Variants in TIA1 observed in about 807,000 individuals in gnomAD.
TIA1 encodes TIA1 cytotoxic granule associated RNA binding protein.
Under a neutral mutation model 65.9 loss-of-function variants are expected in TIA1, and 23 were observed. That is an observed-to-expected ratio of 0.35 (90% CI 0.25 to 0.49). TIA1 has a LOEUF of 0.49. TIA1 is among the 20% of genes least tolerant of loss of function. TIA1 has a pLI of 0.98. For synonymous variants in TIA1, 147 were observed against 149.4 expected (o/e 0.98, Z 0.12); for missense variants, 371 against 477.9 (o/e 0.78, Z 2.09).
At chr2:70,235,368 T>C (rs1183990101) in intron 2 of TIA1, among the ~76,000 whole-genome samples, 2 of 152,094 alleles carry the variant, frequency 1.3e-5, no homozygotes, top group Non-Finnish European at 2.9e-5. Context: ...CGAGCCGAGA[T>C]CGCACCATTG....
At chr2:70,245,630 A>G (rs1270604351) in intron 1 of TIA1, among the ~76,000 whole-genome samples, 1 of 152,208 alleles carries the variant, frequency 6.6e-6, no homozygotes, top group Non-Finnish European at 1.5e-5. Flanking sequence ...CCATATGCTC[A>G]CTACAAATGT....
chr2:70,240,633 C>T (rs770104026), intron 1 of TIA1, among the ~76,000 whole-genome samples: 27 of 152,180 alleles, frequency 1.8e-4, no homozygotes, highest in Non-Finnish European at 3.2e-4. Flanking sequence ...CTTTGGGAGG[C>T]CGAGGTAGGC....
rs1174827635 is a variant in TIA1, at chr2:70,235,755, CAT to C, written c.123+322_123+323del. Among the ~76,000 whole-genome samples the C allele has an allele frequency of 3.3e-5, 5 of 152,262 alleles. No individual in the cohort carries two copies. The East Asian group carries it at 9.6e-4, about 29-fold the overall frequency. On this transcript the variant is annotated intron_variant, in intron 2 of 12. Transcript: ENST00000433529. ...TTTATTAGCCAACCAGTTGACACCA[CAT>C]ATAAACATTTCTGATGCCTCAATGC...
chr2:70,232,018 C>A (rs1015350652), intron 2 of TIA1, among the ~76,000 whole-genome samples: 1 of 151,392 alleles, frequency 6.6e-6, no homozygotes, highest in Non-Finnish European at 1.5e-5. Flanking sequence ...CTGGCTAGCA[C>A]GGTGAAACCC....
At chr2:70,215,539 ATAT>A in intron 10 of TIA1, 45 bp from the exon 11 acceptor site, 1 of 1,518,936 alleles carries the variant, frequency 6.6e-7, no homozygotes. Flanking sequence ...ATTCTTTTAA[ATAT>A]TTATGAATAA....
chr2:70,236,201 C>CT, intron 1 of TIA1, 26 bp from the exon 2 acceptor site: 1 of 1,469,596 alleles, frequency 6.8e-7, no homozygotes, highest in African/African-American at 1.4e-5. Context: ...AAACAATTTA[C>CT]CTTTTTTTTT....
At chr2:70,227,868 A>G in intron 5 of TIA1, 46 bp from the exon 6 acceptor site, 1 of 1,331,288 alleles carries the variant, frequency 7.5e-7, no homozygotes, top group Non-Finnish European at 1.1e-6. Flanking sequence ...ATAGAACTTT[A>G]GAATTTAAAA....
intron 5 of TIA1, chr2:70,228,690 C>T: frequency 6.1e-6 from 6 of 985,370 alleles, no homozygotes; most frequent in Non-Finnish European, 7.2e-6. Flanking sequence ...ATTTGACAGG[C>T]CTTAAACAAC....
At chr2:70,242,659 C>G (rs548290015) in intron 1 of TIA1, among the ~76,000 whole-genome samples, 1 of 152,040 alleles carries the variant, frequency 6.6e-6, no homozygotes, top group African/African-American at 2.4e-5. Flanking sequence ...CCCAACTCCC[C>G]CCTAGGCCAT....
chr2:70,214,551 T>C (rs906882746), intron 11 of TIA1, 57 bp from the exon 12 acceptor site: 8 of 1,363,868 alleles, frequency 5.9e-6, no homozygotes, highest in Admixed American at 5.4e-5. Flanking sequence ...AATCCTAATA[T>C]GCTGATACCA....
chr2:70,223,693 T>C (rs1682544616), intron 7 of TIA1, among the ~76,000 whole-genome samples: 1 of 150,900 alleles, frequency 6.6e-6, no homozygotes, highest in South Asian at 2.1e-4. Context: ...GGATTACAGG[T>C]GTGAGCCACT....
At position 70,211,146 on chromosome 2, in the gene TIA1, G is replaced by T. The variant is rs767953230; in HGVS notation, c.*1573C>A. ...TCAACCATTCAAATATGTATACTGG[G>T]ACCTTTCCTCTTGAGTAAAGGAAGA... On this transcript the variant is annotated 3_prime_UTR_variant, in exon 13 of 13. Transcript: ENST00000433529. The T allele has an allele frequency of 6.6e-6, 1 of 152,050 alleles. No homozygotes were observed. Among genetic ancestry groups the T allele is most frequent in the Non-Finnish European group, 1.5e-5 (1 of 68,026 alleles). The allele number at this position is 152,050 out of a possible 1,614,324, so 9.4% of individuals were successfully genotyped here.
At chr2:70,243,410 G>A (rs1692777948) in intron 1 of TIA1, among the ~76,000 whole-genome samples, 1 of 152,094 alleles carries the variant, frequency 6.6e-6, no homozygotes, top group Admixed American at 6.6e-5. Context: ...CTGGACAACA[G>A]GATGAGACCC....
Position 70,209,568 on chromosome 2 carries a change from T to C in TIA1, c.*3151A>G, listed in dbSNP as rs1158932356. 1 of 398,164 alleles carries C rather than the reference T, an allele frequency of 2.5e-6. No homozygotes were observed. Among genetic ancestry groups the C allele is most frequent in the East Asian group, 3.6e-5 (1 of 27,992 alleles). 24.7% of individuals were successfully genotyped at this position (398,164 alleles called of 1,614,324 possible). On this transcript the variant is annotated 3_prime_UTR_variant, in exon 13 of 13. Coordinates refer to ENST00000433529, the MANE Select transcript of TIA1 (RefSeq NM_022173.4). ...GTGACTGTAATGAAATGTAATAACCTCCTATAAAGAAACGATTGGGGACTA... is the reference window on the plus strand; with the variant it reads ...GTGACTGTAATGAAATGTAATAACCCCCTATAAAGAAACGATTGGGGACTA...
intron 1 of TIA1, among the ~76,000 whole-genome samples, chr2:70,246,589 T>TA (rs1221384801): frequency 1.1e-4 from 16 of 152,074 alleles, no homozygotes; most frequent in African/African-American, 3.9e-4. Context: ...ATGTAATAGT[T>TA]AAAAGTTGAG....
At chr2:70,245,661 T>C (rs1304872971) in intron 1 of TIA1, among the ~76,000 whole-genome samples, 8 of 152,212 alleles carry the variant, frequency 5.3e-5, no homozygotes, top group African/African-American at 1.9e-4. Context: ...TAACTGTACC[T>C]TGAATACTCC....
At chr2:70,247,939 C>G (rs1313412414) in intron 1 of TIA1, among the ~76,000 whole-genome samples, 2 of 151,208 alleles carry the variant, frequency 1.3e-5, no homozygotes, top group East Asian at 3.9e-4. Context: ...GAAAAAAAAT[C>G]TTATCACCGA....
At chr2:70,215,572 A>G in intron 10 of TIA1, 78 bp from the exon 11 acceptor site, 8 of 1,366,984 alleles carry the variant, frequency 5.9e-6, no homozygotes, top group Non-Finnish European at 7.9e-6. Flanking sequence ...TTAAAAATCA[A>G]GGTGAGTCTG....
intron 1 of TIA1, among the ~76,000 whole-genome samples, chr2:70,244,040 T>G (rs547466488): frequency 1.9e-4 from 29 of 152,346 alleles, no homozygotes; most frequent in African/African-American, 7.0e-4. Flanking sequence ...TCTGGCATTT[T>G]CTATCTCCCC....
Sources: gnomAD v4.1 joint callset for allele counts (sites outside exome capture counted in the v4.1 genomes callset) on GRCh38, gnomAD v4.1.1 for gene constraint, MANE v1.5 for transcripts, NCBI Gene and HGNC (gene_info 2026-07-23, HGNC 2026-07-21) for gene names.